The following PRELID2 variants were observed in gnomAD, a reference collection of about 807,000 sequenced individuals.
PRELID2 encodes the protein PRELI domain containing 2, also known as PRELI domain-containing protein 2.
Under a neutral mutation model 28.4 loss-of-function variants are expected in PRELID2, and 25 were observed. That is an observed-to-expected ratio of 0.88 (90% CI 0.64 to 1.23). The LOEUF is 1.23. Ranked by LOEUF, PRELID2 falls within the 50% of genes most tolerant of loss-of-function variation. The pLI, the probability that PRELID2 is intolerant of heterozygous loss-of-function variation, is 0.00. For missense variants in PRELID2, 201 were observed against 214.4 expected, an observed-to-expected ratio of 0.94 and a Z score of 0.39; for synonymous variants, 76 against 71.6, an observed-to-expected ratio of 1.06 and a Z score of -0.31.
chr5:145,608,822 C>T (rs1301949500), intron 1 of PRELID2, among the ~76,000 whole-genome samples: 1 of 152,172 alleles, frequency 6.6e-6, no homozygotes, highest in Non-Finnish European at 1.5e-5. Flanking sequence ...AGGATGATAT[C>T]CTGAAATATG....
the PRELID2 span, among the ~76,000 whole-genome samples, chr5:145,419,149 T>C: frequency 1.3e-5 from 2 of 150,608 alleles, no homozygotes; most frequent in Admixed American, 1.3e-4. Flanking sequence ...TTTGGGTTGG[T>C]TCCAAGTCTT....
chr5:145,317,506 G>C, the PRELID2 span, among the ~76,000 whole-genome samples: 7 of 152,306 alleles, frequency 4.6e-5, no homozygotes, highest in East Asian at 5.8e-4. Context: ...CTGTAACAAA[G>C]AGCGAGGGAG....
chr5:145,761,504 G>A (rs1298150582), intron 6 of PRELID2, among the ~76,000 whole-genome samples: 1 of 152,184 alleles, frequency 6.6e-6, no homozygotes, highest in Non-Finnish European at 1.5e-5. Flanking sequence ...ATAAACTTTA[G>A]GGGTAAGACG....
the PRELID2 span, among the ~76,000 whole-genome samples, chr5:145,243,847 G>A: frequency 2.6e-5 from 4 of 152,048 alleles, no homozygotes; most frequent in African/African-American, 9.7e-5. Flanking sequence ...TCAAAAAGAA[G>A]ATCATACATT....
In PRELID2 at chr5:145,681,430, T is replaced by C. The variant is rs1754934550; in HGVS notation, n.70+83501A>G. On this transcript the variant is annotated intron_variant and non_coding_transcript_variant, in intron 1 of 2. Coordinates refer to the PRELID2 transcript ENST00000510259. ...ATCCAGGTCAACTTCATTTCTAGAC[T>C]TACACAGTGCCTCACACAGAAAATG... 3.3e-5 allele frequency among the ~76,000 whole-genome samples: 5 copies of C among 152,302 alleles called. No individual in the cohort carries two copies. The South Asian group carries it at 1.0e-3, about 32-fold the overall frequency.
At chr5:145,832,078 T>C (rs1413487367) in intron 1 of PRELID2, among the ~76,000 whole-genome samples, 4 of 152,192 alleles carry the variant, frequency 2.6e-5, no homozygotes, top group African/African-American at 9.7e-5. Flanking sequence ...CACATCAAAG[T>C]TATATCTTTA....
At chr5:145,392,218 T>C in the PRELID2 span, among the ~76,000 whole-genome samples, 1 of 152,200 alleles carries the variant, frequency 6.6e-6, no homozygotes, top group Non-Finnish European at 1.5e-5. Context: ...AAAGGTTTAA[T>C]TGATTCACAG....
intron 1 of PRELID2, among the ~76,000 whole-genome samples, chr5:145,609,820 G>C (rs1753585530): frequency 6.6e-6 from 1 of 152,228 alleles, no homozygotes; most frequent in South Asian, 2.1e-4. Context: ...CCACCCTGCA[G>C]TCCAGGTGCT....
intron 1 of PRELID2, among the ~76,000 whole-genome samples, chr5:145,705,086 G>A (rs920038822): frequency 3.3e-5 from 5 of 152,116 alleles, no homozygotes; most frequent in African/African-American, 9.7e-5. Flanking sequence ...AACATATAAT[G>A]TCTAACTCAC....
chr5:145,291,436 A>G, the PRELID2 span, among the ~76,000 whole-genome samples: 2 of 151,492 alleles, frequency 1.3e-5, no homozygotes, highest in Non-Finnish European at 2.9e-5. Flanking sequence ...TGATGTATCT[A>G]TGAAGGTTCC....
At chr5:145,530,559 T>C (rs1464398012) in intron 1 of PRELID2, among the ~76,000 whole-genome samples, 3 of 151,764 alleles carry the variant, frequency 2.0e-5, no homozygotes, top group Non-Finnish European at 4.4e-5. Flanking sequence ...AACCAGACTC[T>C]TGTGGCTGAG....
rs183211185 is a variant in PRELID2 at position 145,767,971 on chromosome 5, A to C, written c.475-2971T>G. On this transcript the variant is annotated intron_variant, in intron 5 of 6. Transcript: ENST00000683046. ...GCCAGGCACAGTGGCTCATGCCTGT[A>C]ATCCCAGTACTTTGGGAGGCCGAGG... Among the ~76,000 whole-genome samples the C allele has an allele frequency of 1.7e-3, 262 of 152,268 alleles. 5 individuals carry two copies. The highest frequency in any genetic ancestry group is 0.017 in the Admixed American group (262 of 15,292).
At chr5:145,773,424 A>T (rs1161644614) in intron 5 of PRELID2, among the ~76,000 whole-genome samples, 1 of 152,220 alleles carries the variant, frequency 6.6e-6, no homozygotes, top group East Asian at 1.9e-4. Flanking sequence ...TTTGAATTTT[A>T]AAAAATTTGA....
At chr5:145,600,434 A>AAAAATAT (rs1315631607) in intron 1 of PRELID2, among the ~76,000 whole-genome samples, 2 of 120,116 alleles carry the variant, frequency 1.7e-5, no homozygotes, top group African/African-American at 8.2e-5. Context: ...AAAAAAAAAA[A>AAAAATAT]ATATATATAT....
At chr5:145,476,930 C>A (rs992125778) in intron 1 of PRELID2, among the ~76,000 whole-genome samples, 1 of 152,088 alleles carries the variant, frequency 6.6e-6, no homozygotes, top group Admixed American at 6.5e-5. Context: ...ATAAAATGAG[C>A]AAATGCCTTA....
At chr5:145,629,924 T>C (rs1477647728) in intron 1 of PRELID2, among the ~76,000 whole-genome samples, 2 of 152,090 alleles carry the variant, frequency 1.3e-5, no homozygotes, top group African/African-American at 4.8e-5. Flanking sequence ...TTAACACAAA[T>C]TAATTTATCA....
intron 1 of PRELID2, among the ~76,000 whole-genome samples, chr5:145,625,442 T>C (rs922418867): frequency 6.6e-6 from 1 of 152,166 alleles, no homozygotes; most frequent in Non-Finnish European, 1.5e-5. Context: ...AACAAAATAA[T>C]GAATTAAAAA....
At chr5:145,444,403 G>A in the PRELID2 span, among the ~76,000 whole-genome samples, 1 of 152,026 alleles carries the variant, frequency 6.6e-6, no homozygotes. Context: ...AAATGTAGAT[G>A]TTTTGCTCTG....
chr5:145,666,203 A>G (rs1288170835), intron 1 of PRELID2, among the ~76,000 whole-genome samples: 2 of 151,996 alleles, frequency 1.3e-5, no homozygotes, highest in Non-Finnish European at 2.9e-5. Flanking sequence ...GCAGGTTGGC[A>G]AAAAGAGATT....
Sources: allele counts gnomAD v4.1 joint callset (sites outside exome capture counted in the v4.1 genomes callset), GRCh38; gene constraint gnomAD v4.1.1; transcripts MANE v1.5; gene names NCBI Gene and HGNC (gene_info 2026-07-23, HGNC 2026-07-21).